The following VPS13B variants were observed in gnomAD, a reference collection of about 807,000 sequenced individuals.
VPS13B encodes intermembrane lipid transfer protein VPS13B.
A neutral mutation model predicts 426.4 loss-of-function variants in VPS13B; 285 were observed. That is an observed-to-expected ratio of 0.67 (90% CI 0.61 to 0.74). VPS13B has a LOEUF of 0.74. Among genes scored for constraint, VPS13B ranks in the 30% least tolerant of loss-of-function variants. The pLI is 0.00. For missense variants in VPS13B, 4,537 were observed against 4,782.6 expected, an observed-to-expected ratio of 0.95 and a Z score of 1.51; for synonymous variants, 1,676 against 1,676.4, an observed-to-expected ratio of 1.00 and a Z score of 0.01.
intron 4 of VPS13B, among the ~76,000 whole-genome samples, chr8:99,101,192 C>T (rs1384576114): frequency 6.6e-6 from 1 of 152,102 alleles, no homozygotes; most frequent in East Asian, 1.9e-4. Flanking sequence ...AGTGCAGTGG[C>T]ACGATCCCGG....
intron 33 of VPS13B, among the ~76,000 whole-genome samples, chr8:99,592,391 C>T (rs1019528245): frequency 8.6e-5 from 13 of 151,910 alleles, no homozygotes; most frequent in East Asian, 5.8e-4. Context: ...TGGAGTAGAA[C>T]GGGCGCTCTG....
intron 23 of VPS13B, among the ~76,000 whole-genome samples, chr8:99,457,342 A>G (rs1818533979): frequency 6.6e-6 from 1 of 152,128 alleles, no homozygotes. Flanking sequence ...AGTAATTTGT[A>G]TCTTTCTAGA....
chr8:99,380,210 C>T (rs1813717666), intron 19 of VPS13B, among the ~76,000 whole-genome samples: 1 of 152,092 alleles, frequency 6.6e-6, no homozygotes, highest in Non-Finnish European at 1.5e-5. Flanking sequence ...AACTGGATAT[C>T]ATATTGGGAA....
At chr8:99,578,999 T>G (rs979658968) in intron 33 of VPS13B, among the ~76,000 whole-genome samples, 3 of 152,240 alleles carry the variant, frequency 2.0e-5, no homozygotes, top group Non-Finnish European at 2.9e-5. Context: ...TGTTTTCTTC[T>G]GCTTTAAAAA....
intron 17 of VPS13B, chr8:99,209,909 AT>A (rs1297250275): frequency 2.1e-3 from 531 of 255,096 alleles, no homozygotes; most frequent in Non-Finnish European, 3.0e-3. Context: ...CGTACTCAAA[AT>A]TTTTTTTTTA....
chr8:99,157,280 T>C (rs1484414791), intron 15 of VPS13B, among the ~76,000 whole-genome samples: 1 of 152,024 alleles, frequency 6.6e-6, no homozygotes, highest in Non-Finnish European at 1.5e-5. Context: ...GTGTGTTTTT[T>C]TTTTTTAACA....
intron 19 of VPS13B, among the ~76,000 whole-genome samples, chr8:99,306,227 T>C (rs962707330): frequency 6.6e-6 from 1 of 152,000 alleles, no homozygotes; most frequent in East Asian, 1.9e-4. Flanking sequence ...AATATATCAA[T>C]TAGGGAGTTT....
intron 52 of VPS13B, 138 bp downstream of exon 52, chr8:99,832,790 T>C (rs1391891641): frequency 5.8e-6 from 5 of 858,394 alleles, no homozygotes; most frequent in Non-Finnish European, 8.9e-6. Context: ...TTCTAGACAT[T>C]GTATACAGTG....
At chr8:99,408,897 T>G (rs1815472382) in intron 21 of VPS13B, among the ~76,000 whole-genome samples, 1 of 152,164 alleles carries the variant, frequency 6.6e-6, no homozygotes, top group Non-Finnish European at 1.5e-5. Flanking sequence ...CAGAAAGAAG[T>G]GAAGACTGTG....
intron 54 of VPS13B, among the ~76,000 whole-genome samples, chr8:99,844,531 C>T (rs948613174): frequency 6.6e-6 from 1 of 152,022 alleles, no homozygotes; most frequent in African/African-American, 2.4e-5. Flanking sequence ...CCATGCCCAG[C>T]TAATTTTTGT....
chr8:99,233,464 TG>T, intron 17 of VPS13B: 1 of 1,350,420 alleles, frequency 7.4e-7, no homozygotes, highest in Non-Finnish European at 1.1e-6. Context: ...ACCCACAGCC[TG>T]GGTTGGGATG....
At chr8:99,376,899 A>T (rs1275846678) in intron 19 of VPS13B, among the ~76,000 whole-genome samples, 2 of 152,086 alleles carry the variant, frequency 1.3e-5, no homozygotes, top group African/African-American at 4.8e-5. Flanking sequence ...TGAGTTATTT[A>T]AAAAATCAAC....
intron 19 of VPS13B, among the ~76,000 whole-genome samples, chr8:99,310,942 T>G (rs187947261): frequency 1.7e-3 from 253 of 152,352 alleles, no homozygotes; most frequent in Middle Eastern, 3.4e-3. Context: ...TTCTAGATTT[T>G]CTAATTTATT....
chr8:99,507,621 G>C, intron 28 of VPS13B: 1 of 1,154,680 alleles, frequency 8.7e-7, no homozygotes, highest in Non-Finnish European at 1.2e-6. Context: ...TGCAGAAGAT[G>C]GTCCAGGCAG....
chr8:99,818,758 C>G lies in VPS13B; in HGVS notation c.8491C>G (p.Pro2831Ala). ...TATCATGAGGAGTCATCTTCCAGAC[C>G]CCATTATCATACATTTGGAGAAAAG... is the stretch of plus-strand genomic sequence containing the variant. Reference protein sequence around the residue: ...LFIMRSHLPDPIIIHLEKRSL... With the variant: ...LFIMRSHLPDAIIIHLEKRSL... Residue 2831 changes from proline to alanine, a missense_variant, in exon 47 of 62, where the codon CCC becomes GCC. This residue lies in a region of VPS13B where 4,311 missense variants were observed against 4,474.3 expected (regional missense o/e 0.96). Coordinates refer to ENST00000357162, the MANE Select transcript of VPS13B (RefSeq NM_152564.5). 1 of 1,613,782 alleles carries G rather than the reference C, an allele frequency of 6.2e-7. No individual in the cohort carries two copies. The highest frequency in any genetic ancestry group is 8.5e-7 in the Non-Finnish European group (1 of 1,179,928).
chr8:99,511,177 C>CA lies in VPS13B; in HGVS notation c.4304dup (p.Asn1435LysfsTer11), dbSNP rs1297058561. 3.1e-6 allele frequency: 5 copies of CA among 1,613,776 alleles called. No individual in the cohort carries two copies. In the East Asian group the frequency reaches 1.1e-4, roughly 36 times the overall value. On this transcript the variant is annotated frameshift_variant, in exon 29 of 62. Coordinates refer to ENST00000357162, the MANE Select transcript of VPS13B (RefSeq NM_152564.5). LOFTEE classifies it high-confidence loss of function. ...TCTCTGACATACACAAAAGCTGTAA[C>CA]AAAAAATGTCCGCCACAAGTTAACA...
At chr8:99,461,046 A>G (rs889414729) in intron 23 of VPS13B, among the ~76,000 whole-genome samples, 1 of 152,188 alleles carries the variant, frequency 6.6e-6, no homozygotes, top group Non-Finnish European at 1.5e-5. Flanking sequence ...AACTGTATCT[A>G]GCTTTGCAGT....
chr8:99,753,252 A>G (rs1351753760), intron 39 of VPS13B, among the ~76,000 whole-genome samples: 3 of 152,166 alleles, frequency 2.0e-5, no homozygotes, highest in Non-Finnish European at 4.4e-5. Context: ...TTCTTATTCT[A>G]TCTTCCTAAA....
intron 19 of VPS13B, among the ~76,000 whole-genome samples, chr8:99,287,124 C>T (rs1029490971): frequency 6.6e-6 from 1 of 152,004 alleles, no homozygotes; most frequent in Admixed American, 6.6e-5. Context: ...ATAATGTGTT[C>T]TAACTTCTAA....
Sources: allele counts gnomAD v4.1 joint callset (sites outside exome capture counted in the v4.1 genomes callset), GRCh38; gene constraint gnomAD v4.1.1; regional missense constraint gnomAD v4.1.1; transcripts MANE v1.5; gene names NCBI Gene and HGNC (gene_info 2026-07-23, HGNC 2026-07-21).